The following PPP1R42 variants were observed in gnomAD, a reference collection of about 807,000 sequenced individuals.
PPP1R42 encodes leucine rich repeat containing 67.
Under a neutral mutation model 31.0 loss-of-function variants are expected in PPP1R42, and 34 were observed. The ratio of observed to expected loss-of-function variants is 1.10; its 90% CI spans 0.83 to 1.46. The LOEUF (loss-of-function observed/expected upper bound fraction) is 1.46. PPP1R42 is among the 40% of genes most tolerant of loss of function. The pLI is 0.00. For missense variants in PPP1R42, 268 were observed against 303.0 expected, an observed-to-expected ratio of 0.88 and a Z score of 0.86; for synonymous variants, 103 against 109.8, an observed-to-expected ratio of 0.94 and a Z score of 0.39.
At chr8:66,976,953 T>C (rs973284510) in intron 7 of PPP1R42, among the ~76,000 whole-genome samples, 2 of 151,646 alleles carry the variant, frequency 1.3e-5, no homozygotes, top group Non-Finnish European at 2.9e-5. Flanking sequence ...ATGGTAGTTC[T>C]TCTTCTTTTT....
intron 2 of PPP1R42, among the ~76,000 whole-genome samples, chr8:67,016,005 A>G (rs756016724): frequency 3.9e-5 from 6 of 152,218 alleles, no homozygotes; most frequent in Admixed American, 1.3e-4. Context: ...GTGAGGACAG[A>G]GTATGAAATA....
chr8:66,983,817 CT>C (rs1292440770), intron 6 of PPP1R42, among the ~76,000 whole-genome samples: 8 of 151,478 alleles, frequency 5.3e-5, no homozygotes, highest in South Asian at 2.1e-4. Flanking sequence ...ATTTCATGTA[CT>C]TTTTTTTTCA....
chr8:66,970,791 G>A (rs972362951), intron 7 of PPP1R42: 13 of 596,102 alleles, frequency 2.2e-5, no homozygotes, highest in Admixed American at 1.7e-4. Flanking sequence ...CCTTCCCATC[G>A]TAACTTTCTG....
At chr8:66,978,599 G>A (rs764127398) in intron 7 of PPP1R42, among the ~76,000 whole-genome samples, 4 of 152,128 alleles carry the variant, frequency 2.6e-5, no homozygotes, top group Non-Finnish European at 5.9e-5. Context: ...TGTATTGTCA[G>A]TAGAGACAGG....
At chr8:66,973,507 TATTG>T (rs1424102717) in intron 7 of PPP1R42, among the ~76,000 whole-genome samples, 17 of 152,140 alleles carry the variant, frequency 1.1e-4, no homozygotes, top group African/African-American at 4.1e-4. Context: ...GGTTTCGCCA[TATTG>T]GCCAGGCTGG....
intron 7 of PPP1R42, 52 bp downstream of exon 7, chr8:66,981,997 A>G (rs1437507086): frequency 5.4e-6 from 7 of 1,295,776 alleles, no homozygotes; most frequent in Admixed American, 3.9e-5. Flanking sequence ...TGTTGCCTAG[A>G]ATATTTCCTT....
chr8:67,020,186 TTTTG>T (rs1437340916), intron 1 of PPP1R42, among the ~76,000 whole-genome samples: 1 of 149,474 alleles, frequency 6.7e-6, no homozygotes, highest in African/African-American at 2.6e-5. Flanking sequence ...TTTTGTTGTG[TTTTG>T]TTTTTGTTGT....
chr8:66,979,302 AGAG>A (rs1342449289), intron 7 of PPP1R42, among the ~76,000 whole-genome samples: 1 of 152,078 alleles, frequency 6.6e-6, no homozygotes, highest in African/African-American at 2.4e-5. Flanking sequence ...CATTTATTGA[AGAG>A]GAGGATAGCT....
intron 1 of PPP1R42, chr8:67,021,436 C>T (rs1297174614): frequency 6.6e-6 from 1 of 152,026 alleles, no homozygotes; most frequent in Non-Finnish European, 1.5e-5. Flanking sequence ...TTGCATATAT[C>T]TGATTATTTT....
At chr8:66,985,714 G>A in intron 6 of PPP1R42, 1 of 1,334,066 alleles carries the variant, frequency 7.5e-7, no homozygotes. Context: ...GGAAGAAGGA[G>A]TCTTTGGCTG....
chr8:66,981,957 C>T (rs1375620268), intron 7 of PPP1R42, 92 bp downstream of exon 7: 5 of 1,223,782 alleles, frequency 4.1e-6, no homozygotes, highest in Non-Finnish European at 5.1e-6. Context: ...AAAAACTAAA[C>T]AAAAACTATT....
At chr8:66,974,963 A>G (rs1466443058) in intron 7 of PPP1R42, among the ~76,000 whole-genome samples, 2 of 152,132 alleles carry the variant, frequency 1.3e-5, no homozygotes, top group Non-Finnish European at 2.9e-5. Flanking sequence ...TGATTTGGCT[A>G]TTTGTGGTCT....
At chr8:67,024,053 G>A (rs1228742639) in intron 1 of PPP1R42, among the ~76,000 whole-genome samples, 1 of 151,960 alleles carries the variant, frequency 6.6e-6, no homozygotes, top group African/African-American at 2.4e-5. Context: ...GGCTGAGGCA[G>A]GAGAATCACT....
rs1267795402 is a variant in PPP1R42 at position 67,019,009 on chromosome 8, TA to T, written c.-84-1179del. On this transcript the variant is annotated intron_variant, in intron 1 of 7. Coordinates refer to ENST00000685739, the MANE Select transcript of PPP1R42 (RefSeq NM_001364910.1). ...CATGCCCGGCTAATTTTTTTTTTTT[TA>T]ATTTTAATGGAGACGGGGTTTCACT... Among the ~76,000 whole-genome samples, 139 of 149,234 alleles carry T rather than the reference TA, an allele frequency of 9.3e-4. 1 individual carries two copies. The highest frequency in any genetic ancestry group is 3.0e-3 in the African/African-American group (122 of 40,092).
At chr8:66,970,539 T>A (rs1814508581) in intron 7 of PPP1R42, among the ~76,000 whole-genome samples, 1 of 152,212 alleles carries the variant, frequency 6.6e-6, no homozygotes, top group Non-Finnish European at 1.5e-5. Flanking sequence ...AGCTTAAAAA[T>A]CTGGTTTGTA....
chr8:66,968,445 T>A, intron 7 of PPP1R42: 1 of 984,348 alleles, frequency 1.0e-6, no homozygotes, highest in Non-Finnish European at 1.2e-6. Flanking sequence ...TATTTCTACC[T>A]CTGAGCAGGC....
chr8:67,010,642 A>G, intron 5 of PPP1R42, 73 bp downstream of exon 5: 1 of 999,340 alleles, frequency 1.0e-6, no homozygotes, highest in Non-Finnish European at 1.5e-6. Flanking sequence ...TATTTATTTT[A>G]TAGCTATTAC....
At chr8:66,985,308 T>C (rs1814975792) in intron 6 of PPP1R42, 1 of 827,120 alleles carries the variant, frequency 1.2e-6, no homozygotes, top group Non-Finnish European at 2.1e-6. Flanking sequence ...GGTATTGGAC[T>C]CCATGTCTTC....
At chr8:66,997,248 G>A (rs976543294) in intron 5 of PPP1R42, among the ~76,000 whole-genome samples, 18 of 152,096 alleles carry the variant, frequency 1.2e-4, no homozygotes, top group Admixed American at 1.0e-3. Flanking sequence ...CTTGATTATC[G>A]TAACTTTAAA....
Sources: allele counts gnomAD v4.1 joint callset (sites outside exome capture counted in the v4.1 genomes callset), GRCh38; gene constraint gnomAD v4.1.1; transcripts MANE v1.5; gene names NCBI Gene and HGNC (gene_info 2026-07-23, HGNC 2026-07-21).